Variants in MAF observed in about 807,000 individuals in gnomAD.
The protein encoded by MAF is MAF bZIP transcription factor.
MAF carries 10 observed loss-of-function variants against 22.0 expected under a neutral mutation model. The ratio of observed to expected loss-of-function variants is 0.45; its 90% CI spans 0.28 to 0.77. The LOEUF is 0.77. MAF is among the 30% of genes least tolerant of loss of function. MAF has a pLI of 0.12. For synonymous variants in MAF, 337 were observed against 255.8 expected, an observed-to-expected ratio of 1.32 and a Z score of -3.03; for missense variants, 544 against 548.4, an observed-to-expected ratio of 0.99 and a Z score of 0.08.
the MAF span, among the ~76,000 whole-genome samples, chr16:79,376,777 T>G: frequency 6.6e-6 from 1 of 152,222 alleles, no homozygotes; most frequent in Admixed American, 6.5e-5. Context: ...ACGTGGTGTT[T>G]GTTTTTTGTC....
chr16:79,403,837 T>C, the MAF span, among the ~76,000 whole-genome samples: 1 of 152,168 alleles, frequency 6.6e-6, no homozygotes, highest in Non-Finnish European at 1.5e-5. Flanking sequence ...GACAGCACTT[T>C]GAGGCTCAGA....
At chr16:79,431,055 G>C in the MAF span, among the ~76,000 whole-genome samples, 2 of 152,104 alleles carry the variant, frequency 1.3e-5, no homozygotes, top group East Asian at 3.9e-4. Flanking sequence ...CTGGGGACCT[G>C]CAGATCATTT....
the MAF span, among the ~76,000 whole-genome samples, chr16:79,282,364 T>C: frequency 2.0e-5 from 3 of 152,124 alleles, no homozygotes; most frequent in Non-Finnish European, 4.4e-5. Flanking sequence ...TCTTTTAACT[T>C]TGTGATCATA....
chr16:79,305,962 C>A, the MAF span, among the ~76,000 whole-genome samples: 2 of 152,314 alleles, frequency 1.3e-5, no homozygotes, highest in African/African-American at 4.8e-5. Flanking sequence ...AGCAACGGCA[C>A]CCCAAGCTCT....
At chr16:79,271,877 G>A in the MAF span, among the ~76,000 whole-genome samples, 2 of 152,354 alleles carry the variant, frequency 1.3e-5, no homozygotes, top group South Asian at 4.1e-4. Context: ...TGTAACAGTA[G>A]CAGAAGAAGT....
At chr16:79,237,208 C>T in the MAF span, among the ~76,000 whole-genome samples, 11 of 152,102 alleles carry the variant, frequency 7.2e-5, no homozygotes, top group South Asian at 4.2e-4. Context: ...TGTTATGGCA[C>T]GCAGTTGGTG....
At chr16:79,465,777 G>T in the MAF span, among the ~76,000 whole-genome samples, 1 of 152,134 alleles carries the variant, frequency 6.6e-6, no homozygotes, top group Non-Finnish European at 1.5e-5. Flanking sequence ...CAAAGAGGGA[G>T]CTGTAGTAGG....
the MAF span, among the ~76,000 whole-genome samples, chr16:79,464,013 T>C: frequency 6.6e-6 from 1 of 150,870 alleles, no homozygotes; most frequent in African/African-American, 2.4e-5. Flanking sequence ...TTTTGAGCTA[T>C]GTTTGGACGG....
At chr16:79,512,679 A>G in the MAF span, among the ~76,000 whole-genome samples, 2 of 152,194 alleles carry the variant, frequency 1.3e-5, no homozygotes, top group Non-Finnish European at 2.9e-5. Flanking sequence ...CAGATCATCC[A>G]TATTCAAATG....
At chr16:79,319,940 A>G in the MAF span, among the ~76,000 whole-genome samples, 16,447 of 152,226 alleles carry the variant, frequency 0.11, 1,052 homozygotes, top group East Asian at 0.28. Context: ...GTTAAGGTCA[A>G]TCTTGAACTT....
the MAF span, among the ~76,000 whole-genome samples, chr16:79,476,204 T>C: frequency 6.6e-6 from 1 of 152,170 alleles, no homozygotes; most frequent in Non-Finnish European, 1.5e-5. Flanking sequence ...GAAAAAGACC[T>C]GGAGCCAGAG....
the MAF span, among the ~76,000 whole-genome samples, chr16:79,262,845 G>C: frequency 6.6e-6 from 1 of 152,154 alleles, no homozygotes; most frequent in Non-Finnish European, 1.5e-5. Context: ...GTGGGTGAAC[G>C]GTATTGAAGG....
chr16:79,479,661 A>G, the MAF span, among the ~76,000 whole-genome samples: 3 of 152,216 alleles, frequency 2.0e-5, no homozygotes. Flanking sequence ...AGTACTGAGT[A>G]TGTGAAAACT....
the MAF span, among the ~76,000 whole-genome samples, chr16:79,206,960 A>T: frequency 1.3e-5 from 2 of 152,126 alleles, no homozygotes; most frequent in Non-Finnish European, 2.9e-5. Flanking sequence ...TGTGTTTCCA[A>T]TGAGAGATTG....
chr16:79,337,320 C>G, the MAF span, among the ~76,000 whole-genome samples: 1 of 152,136 alleles, frequency 6.6e-6, no homozygotes, highest in African/African-American at 2.4e-5. Flanking sequence ...ACCTGTAATT[C>G]CAGCACTTTG....
the MAF span, among the ~76,000 whole-genome samples, chr16:79,425,019 T>A: frequency 6.6e-6 from 1 of 152,116 alleles, no homozygotes; most frequent in Non-Finnish European, 1.5e-5. Flanking sequence ...AGAAGGTGAT[T>A]TTTTTTGTTG....
chr16:79,493,889 T>A, the MAF span, among the ~76,000 whole-genome samples: 1 of 151,592 alleles, frequency 6.6e-6, no homozygotes, highest in African/African-American at 2.4e-5. Flanking sequence ...TCTTGGTGGA[T>A]GTGTATTCAT....
the MAF span, among the ~76,000 whole-genome samples, chr16:79,350,998 G>T: frequency 2.6e-4 from 39 of 152,094 alleles, no homozygotes; most frequent in Non-Finnish European, 2.8e-4. Flanking sequence ...TTCACTTGCA[G>T]CTTCCAGGCT....
At chr16:79,546,269 CCCA>C in the MAF span, among the ~76,000 whole-genome samples, 1 of 147,722 alleles carries the variant, frequency 6.8e-6, no homozygotes, top group East Asian at 2.0e-4. Context: ...TGATTGGTAA[CCCA>C]AATGAAAATC....
Sources: gnomAD v4.1 joint callset for allele counts (sites outside exome capture counted in the v4.1 genomes callset) on GRCh38, gnomAD v4.1.1 for gene constraint, MANE v1.5 for transcripts, NCBI Gene and HGNC (gene_info 2026-07-23, HGNC 2026-07-21) for gene names.